AVEN: variants seen among roughly 807,000 people sequenced by gnomAD.
AVEN encodes apoptosis and caspase activation inhibitor, also known as cell death regulator Aven.
AVEN carries 41 observed loss-of-function variants against 38.1 expected under a neutral mutation model. The observed-to-expected ratio is 1.08, with a 90% CI of 0.84 to 1.40. The LOEUF is 1.40. AVEN is among the 40% of genes most tolerant of loss of function. The probability of loss-of-function intolerance (pLI) is 0.00; values close to 1 mark genes in which losing one functional copy is unlikely to be tolerated. For missense variants in AVEN, 605 were observed against 438.8 expected (o/e 1.38, Z -3.38); for synonymous variants, 206 against 171.8 (o/e 1.20, Z -1.56).
intron 2 of AVEN, among the ~76,000 whole-genome samples, chr15:33,946,567 G>A (rs375869336): frequency 6.6e-6 from 1 of 152,160 alleles, no homozygotes; most frequent in Non-Finnish European, 1.5e-5. Context: ...ACAAGCAGGA[G>A]GATCTGTGTT....
chr15:33,864,889 G>A, downstream of AVEN: 2 of 467,316 alleles, frequency 4.3e-6, no homozygotes, highest in Non-Finnish European at 7.6e-6. Flanking sequence ...ATTGGTTTCA[G>A]TTTTGCTTGT....
chr15:33,860,692 A>G, intron 11 of AVEN: 1 of 1,422,446 alleles, frequency 7.0e-7, no homozygotes. Flanking sequence ...TCCCAGCTCT[A>G]TTTTAATATC....
chr15:33,888,699 T>C (rs1257143569), intron 2 of AVEN, among the ~76,000 whole-genome samples: 1 of 152,146 alleles, frequency 6.6e-6, no homozygotes, highest in Non-Finnish European at 1.5e-5. Context: ...TTATATCCAG[T>C]GTGATTAATA....
At chr15:33,901,093 C>T (rs1892479984) in intron 2 of AVEN, among the ~76,000 whole-genome samples, 2 of 152,106 alleles carry the variant, frequency 1.3e-5, no homozygotes, top group South Asian at 2.1e-4. Context: ...GGTGAAACCC[C>T]GTCTCTACTA....
chr15:34,063,793 C>T lies in AVEN; in HGVS notation n.1127-361G>A, dbSNP rs755207183. The T allele has an allele frequency of 6.2e-7, 1 of 1,614,158 alleles. No homozygotes were observed. Among genetic ancestry groups the T allele is most frequent in the Non-Finnish European group, 8.5e-7 (1 of 1,180,036 alleles). On this transcript the variant is annotated intron_variant and non_coding_transcript_variant, in intron 4 of 11. Transcript: ENST00000675287. The surrounding 1 kb of genome is among the most constrained non-coding windows in gnomAD (Gnocchi z 4.1). ...ACTGAAAAAAGTGACTATGACACCC[C>T]AAACTACCTTCTGTCTCCAGCAGCT...
intron 11 of AVEN, among the ~76,000 whole-genome samples, chr15:33,860,222 G>A (rs962587095): frequency 1.3e-5 from 2 of 152,204 alleles, no homozygotes; most frequent in Non-Finnish European, 2.9e-5. Flanking sequence ...GCTAAGAAGT[G>A]AAGTAACTGA....
intron 11 of AVEN, chr15:33,860,486 T>TG (rs1192414277): frequency 1.6e-6 from 1 of 620,088 alleles, no homozygotes; most frequent in Non-Finnish European, 2.7e-6. Context: ...AATTTTGCTT[T>TG]GATAATTCAC....
At chr15:33,899,761 C>T (rs1164060511) in intron 2 of AVEN, among the ~76,000 whole-genome samples, 1 of 152,066 alleles carries the variant, frequency 6.6e-6, no homozygotes, top group Non-Finnish European at 1.5e-5. Context: ...CCACCGCACC[C>T]GGCCAGGGAA....
chr15:33,924,678 G>A (rs1363482382), intron 2 of AVEN, among the ~76,000 whole-genome samples: 4 of 152,128 alleles, frequency 2.6e-5, no homozygotes, highest in Admixed American at 6.5e-5. Context: ...TATCAAATAC[G>A]TTCATGGAGT....
downstream of AVEN, among the ~76,000 whole-genome samples, chr15:33,863,124 GTCTCTTTCCTA>G (rs1405512424): frequency 6.6e-6 from 1 of 152,068 alleles, no homozygotes; most frequent in East Asian, 1.9e-4. Flanking sequence ...TGTTACACTG[GTCTCTTTCCTA>G]TCTCTATCCC....
At chr15:33,911,999 A>C (rs1892935375) in intron 2 of AVEN, among the ~76,000 whole-genome samples, 1 of 152,230 alleles carries the variant, frequency 6.6e-6, no homozygotes, top group Non-Finnish European at 1.5e-5. Flanking sequence ...GCTTCAAGGA[A>C]GATTTGTGTC....
chr15:33,962,249 T>G (rs1435393005), intron 2 of AVEN, among the ~76,000 whole-genome samples: 2 of 152,204 alleles, frequency 1.3e-5, no homozygotes, highest in African/African-American at 4.8e-5. Flanking sequence ...ATGTCAATTG[T>G]AAAGTATTCC....
At chr15:33,856,227 T>A (rs1194734659), downstream of AVEN, 1 of 152,304 alleles carries the variant, frequency 6.6e-6, no homozygotes, top group Non-Finnish European at 1.5e-5. Context: ...CTGCTTTCTG[T>A]GAGGTCTGCT....
At chr15:33,870,629 C>G (rs1483674601) in intron 4 of AVEN, among the ~76,000 whole-genome samples, 1 of 152,186 alleles carries the variant, frequency 6.6e-6, no homozygotes, top group East Asian at 1.9e-4. Context: ...ACCACTGTGT[C>G]CCTAGTGCCG....
intron 2 of AVEN, among the ~76,000 whole-genome samples, chr15:33,918,458 C>CTTTTTTTTTTTTTTTTTTTTTT (rs33928063): frequency 2.4e-5 from 2 of 84,504 alleles, no homozygotes; most frequent in African/African-American, 9.9e-5. Flanking sequence ...TAAATTACAG[C>CTTTTTTTTTTTTTTTTTTTTTT]TTTTTTTTTT....
At chr15:33,994,940 A>G (rs1250968484) in intron 2 of AVEN, among the ~76,000 whole-genome samples, 1 of 152,210 alleles carries the variant, frequency 6.6e-6, no homozygotes, top group Non-Finnish European at 1.5e-5. Flanking sequence ...AACCAACCAT[A>G]GATCAAAAAT....
At chr15:34,035,609 TC>T (rs1899077847) in intron 1 of AVEN, among the ~76,000 whole-genome samples, 1 of 152,142 alleles carries the variant, frequency 6.6e-6, no homozygotes, top group African/African-American at 2.4e-5. Context: ...CTCAGCTGTC[TC>T]ATCTTATATT....
In AVEN at chr15:34,003,057, A is replaced by C; in HGVS notation, c.420T>G (p.Asp140Glu). Residue 140 changes from aspartate (D) to glutamate (E), a missense_variant, in exon 2 of 6, where the codon GAT (aspartate) becomes GAG (glutamate). Asp to Glu is a conservative substitution (Grantham distance 45, BLOSUM62 2). Transcript: ENST00000306730. ...NESGESQRGTDFSVLLSSAGD... is the reference protein window; with the variant it reads ...NESGESQRGTEFSVLLSSAGD... ...CTGCAGAGCTAAGGAGGACACTGAA[A>C]TCTGTTCCCCTCTGTGACTCTCCAC... The C allele has an allele frequency of 6.2e-7, 1 of 1,613,882 alleles. No individual in the cohort carries two copies. Among genetic ancestry groups the C allele is most frequent in the Non-Finnish European group, 8.5e-7 (1 of 1,179,882 alleles).
intron 3 of AVEN, among the ~76,000 whole-genome samples, chr15:33,871,453 A>G (rs933090316): frequency 6.6e-6 from 1 of 152,124 alleles, no homozygotes; most frequent in African/African-American, 2.4e-5. Context: ...CTGTAATCCC[A>G]GCTACTCGGG....
Sources: allele counts gnomAD v4.1 joint callset (sites outside exome capture counted in the v4.1 genomes callset), GRCh38; gene constraint gnomAD v4.1.1; non-coding constraint Gnocchi (gnomAD v3.1); transcripts MANE v1.5; gene names NCBI Gene and HGNC (gene_info 2026-07-23, HGNC 2026-07-21).